Variants in SEMA6D observed in about 807,000 individuals in gnomAD.
The protein encoded by SEMA6D is semaphorin-6D.
A neutral mutation model predicts 106.6 loss-of-function variants in SEMA6D; 35 were observed. That is an observed-to-expected ratio of 0.33 (90% CI 0.25 to 0.44). The LOEUF (loss-of-function observed/expected upper bound fraction) is 0.44. Among genes scored for constraint, SEMA6D ranks in the 20% least tolerant of loss-of-function variants. The probability of loss-of-function intolerance (pLI) is 1.00; values close to 1 mark genes in which losing one functional copy is unlikely to be tolerated. For missense variants in SEMA6D, 1,185 were observed against 1,345.9 expected (o/e 0.88, Z 1.87); for synonymous variants, 499 against 487.7 (o/e 1.02, Z -0.31).
intron 1 of SEMA6D, among the ~76,000 whole-genome samples, chr15:47,217,891 A>ACACG (rs1726988779): frequency 6.6e-6 from 1 of 151,076 alleles, no homozygotes; most frequent in Non-Finnish European, 1.5e-5. Context: ...ACACACACAC[A>ACACG]CACACACACA....
chr15:47,749,738 G>A (rs2081330862), intron 1 of SEMA6D, among the ~76,000 whole-genome samples: 1 of 152,220 alleles, frequency 6.6e-6, no homozygotes, highest in South Asian at 2.1e-4. Context: ...CTGGTGTGTG[G>A]TGGACGTGTG....
intron 1 of SEMA6D, among the ~76,000 whole-genome samples, chr15:47,389,052 A>G (rs762034305): frequency 4.6e-5 from 7 of 152,226 alleles, no homozygotes; most frequent in Non-Finnish European, 1.0e-4. Context: ...TAAGGTACCT[A>G]TGGTGAACAA....
chr15:47,556,305 C>T (rs1178584341), intron 3 of SEMA6D, among the ~76,000 whole-genome samples: 1 of 152,088 alleles, frequency 6.6e-6, no homozygotes, highest in East Asian at 1.9e-4. Flanking sequence ...CGTATGCACC[C>T]ATAATTTTTC....
rs193069849 is a variant in SEMA6D at position 47,746,061 on chromosome 15, C to G, written c.-54-13684C>G. On this transcript the variant is annotated intron_variant, in intron 1 of 18. Coordinates refer to ENST00000536845, the MANE Select transcript of SEMA6D (RefSeq NM_001358351.3). ...GTTTGTTAGAGACAGGCAACTGTTA[C>G]TGTATTTTCAAATACAGAAGGCAAA... Among the ~76,000 whole-genome samples, 93 of 152,276 alleles carry G rather than the reference C, an allele frequency of 6.1e-4. No individual in the cohort carries two copies. The East Asian group carries it at 0.011, about 18-fold the overall frequency.
intron 4 of SEMA6D, among the ~76,000 whole-genome samples, chr15:47,665,101 C>T (rs2077999685): frequency 6.6e-6 from 1 of 151,986 alleles, no homozygotes; most frequent in Non-Finnish European, 1.5e-5. Context: ...GTCAAACATA[C>T]CTATAGTGGT....
chr15:47,389,560 G>A (rs775514766), intron 1 of SEMA6D, among the ~76,000 whole-genome samples: 3 of 152,186 alleles, frequency 2.0e-5, no homozygotes, highest in East Asian at 1.9e-4. Flanking sequence ...TTGAGGTTAC[G>A]GTAAAAGATA....
At chr15:47,483,302 C>T (rs950126424) in intron 3 of SEMA6D, among the ~76,000 whole-genome samples, 2 of 152,148 alleles carry the variant, frequency 1.3e-5, no homozygotes, top group Admixed American at 1.3e-4. Context: ...GTATGTGCTA[C>T]GGTTTTTTAG....
chr15:47,613,606 A>G (rs1159005257), intron 4 of SEMA6D, among the ~76,000 whole-genome samples: 1 of 152,158 alleles, frequency 6.6e-6, no homozygotes, highest in African/African-American at 2.4e-5. Context: ...ATTTAGAAGT[A>G]CAGTATATCT....
chr15:47,325,408 G>A (rs2037093009), intron 1 of SEMA6D, among the ~76,000 whole-genome samples: 1 of 152,042 alleles, frequency 6.6e-6, no homozygotes, highest in Non-Finnish European at 1.5e-5. Flanking sequence ...CCTGACCTCA[G>A]GTGATCGCCC....
intron 2 of SEMA6D, among the ~76,000 whole-genome samples, chr15:47,441,459 A>G (rs934630609): frequency 6.6e-6 from 1 of 152,140 alleles, no homozygotes; most frequent in Non-Finnish European, 1.5e-5. Context: ...AGCAAGACAA[A>G]TGATATGTTT....
chr15:47,644,625 G>C (rs1289029072), intron 4 of SEMA6D, among the ~76,000 whole-genome samples: 1 of 152,192 alleles, frequency 6.6e-6, no homozygotes, highest in Non-Finnish European at 1.5e-5. Flanking sequence ...TTGCCCTTCT[G>C]CCTTCTGCCC....
At chr15:47,706,723 TTCTC>T (rs141488630) in intron 4 of SEMA6D, among the ~76,000 whole-genome samples, 1 of 151,452 alleles carries the variant, frequency 6.6e-6, no homozygotes, top group South Asian at 2.1e-4. Flanking sequence ...CTCTCTATTT[TTCTC>T]TCTCTCTCTC....
intron 3 of SEMA6D, among the ~76,000 whole-genome samples, chr15:47,564,919 C>T (rs143907347): frequency 6.4e-4 from 97 of 152,294 alleles, no homozygotes; most frequent in African/African-American, 2.3e-3. Flanking sequence ...GACAGCTTGA[C>T]AGTGTAACTT....
At chr15:47,468,140 G>A (rs1372211839) in intron 2 of SEMA6D, among the ~76,000 whole-genome samples, 1 of 151,934 alleles carries the variant, frequency 6.6e-6, no homozygotes, top group East Asian at 1.9e-4. Flanking sequence ...CTTCAACCTT[G>A]TTTCTAATTT....
Position 47,475,189 on chromosome 15 carries a change from C to T in SEMA6D, c.-87+4644C>T, listed in dbSNP as rs143338516. ...TGAAAAAAGAAAGCGCTCTCATTTA[C>T]CTAAATAAAAGCCTAAATCATAATC... On this transcript the variant is annotated intron_variant, in intron 3 of 19. Coordinates refer to the SEMA6D transcript ENST00000558014. Among the ~76,000 whole-genome samples, 1,058 of 152,210 alleles carry T rather than the reference C, an allele frequency of 7.0e-3. 15 individuals are homozygous for T. Among genetic ancestry groups the T allele is most frequent in the African/African-American group, 0.025 (1,020 of 41,528 alleles).
intron 3 of SEMA6D, among the ~76,000 whole-genome samples, chr15:47,584,364 A>G (rs938175141): frequency 1.3e-5 from 2 of 151,990 alleles, no homozygotes; most frequent in African/African-American, 4.8e-5. Flanking sequence ...CAGAGGTTGC[A>G]GTGAGCCGAG....
At position 47,230,881 on chromosome 15, in the gene SEMA6D, C is replaced by T. The variant is rs1014901350; in HGVS notation, c.-239+46463C>T. On this transcript the variant is annotated intron_variant, in intron 1 of 19. Coordinates refer to the SEMA6D transcript ENST00000558014. ...GTTTTTATATATAAAATACAGATAACGGATGTGTAGGTAATGATCACACTG... is the reference window on the plus strand; with the variant it reads ...GTTTTTATATATAAAATACAGATAATGGATGTGTAGGTAATGATCACACTG... Among the ~76,000 whole-genome samples, 31 of 152,076 alleles carry T rather than the reference C, an allele frequency of 2.0e-4. No individual in the cohort carries two copies. In the South Asian group the frequency reaches 5.0e-3, roughly 24 times the overall value.
At chr15:47,588,844 C>A (rs1359028804) in intron 3 of SEMA6D, among the ~76,000 whole-genome samples, 1 of 152,128 alleles carries the variant, frequency 6.6e-6, no homozygotes, top group Non-Finnish European at 1.5e-5. Context: ...AAATGAAAAG[C>A]AGTGGTTCTC....
chr15:47,581,220 G>A (rs1177861202), intron 3 of SEMA6D: 4 of 387,532 alleles, frequency 1.0e-5, no homozygotes, highest in African/African-American at 2.2e-5. Context: ...TTCCCGTAAC[G>A]TGTCCCTGAT....
Sources: allele counts gnomAD v4.1 joint callset (sites outside exome capture counted in the v4.1 genomes callset), GRCh38; gene constraint gnomAD v4.1.1; transcripts MANE v1.5; gene names NCBI Gene and HGNC (gene_info 2026-07-23, HGNC 2026-07-21).